NEMP2: variants seen among roughly 807,000 people sequenced by gnomAD.
NEMP2 encodes UPF0571 transmembrane protein.
Under a neutral mutation model 54.2 loss-of-function variants are expected in NEMP2, and 53 were observed. The ratio of observed to expected loss-of-function variants is 0.98; its 90% CI spans 0.78 to 1.23. NEMP2 has a LOEUF of 1.23. Among genes scored for constraint, NEMP2 ranks in the 50% most tolerant of loss-of-function variants. The probability of loss-of-function intolerance (pLI) is 0.00; values close to 1 mark genes in which losing one functional copy is unlikely to be tolerated. For synonymous variants in NEMP2, 197 were observed against 190.3 expected (o/e 1.04, Z -0.29); for missense variants, 455 against 511.3 (o/e 0.89, Z 1.06).
the NEMP2 span, among the ~76,000 whole-genome samples, chr2:190,475,712 T>G: frequency 6.6e-6 from 1 of 152,166 alleles, no homozygotes; most frequent in Non-Finnish European, 1.5e-5. Context: ...AAAAAACTAC[T>G]TTAAAGTTCA....
At chr2:190,504,201 G>C (rs1034931852), downstream of NEMP2, 9 of 152,162 alleles carry the variant, frequency 5.9e-5, no homozygotes, top group African/African-American at 2.2e-4. This position sits in a 1 kb window ranked among gnomAD's most constrained non-coding sequence, Gnocchi z 5.6. Flanking sequence ...AAACGGAAGT[G>C]ATTACAGTAG....
the NEMP2 span, among the ~76,000 whole-genome samples, chr2:190,434,534 C>T: frequency 6.6e-6 from 1 of 152,132 alleles, no homozygotes; most frequent in Non-Finnish European, 1.5e-5. This position sits in a 1 kb window ranked among gnomAD's most constrained non-coding sequence, Gnocchi z 4.3. Flanking sequence ...CTCCTGGGTT[C>T]GAGCAATTTG....
Position 190,514,488 on chromosome 2 carries a change from C to G in NEMP2, c.918G>C (p.Leu306=). ...AACTGCATGCTCTCAGTGGGTAGTG[C>G]AGACTCCAGGAGGACATGAGGAGGA... is the stretch of plus-strand genomic sequence containing the variant. ...AIILLMSSWS[L]HYPLRACSYM... Residue 306 remains leucine, a synonymous_variant, in exon 7 of 9, where the codon CTG becomes CTC. Coordinates refer to ENST00000409150, the MANE Select transcript of NEMP2 (RefSeq NM_001142645.2). The surrounding 1 kb of genome is among the most constrained non-coding windows in gnomAD (Gnocchi z 5.7). The G allele has an allele frequency of 6.4e-7, 1 of 1,551,488 alleles. No individual in the cohort carries two copies. Among genetic ancestry groups the G allele is most frequent in the Non-Finnish European group, 8.7e-7 (1 of 1,146,986 alleles).
Position 190,510,440 on chromosome 2 carries a change from G to A in NEMP2, c.1051C>T (p.Leu351=), listed in dbSNP as rs1690319213. 2.6e-6 allele frequency: 4 copies of A among 1,551,756 alleles called. No homozygotes were observed. The highest frequency in any genetic ancestry group is 1.7e-4 in the Middle Eastern group (1 of 5,992). ...CGGCAGGCCCGGCGTAGCTCCTCCAGAGCACTGTTCGTTTCAGCATCAGCT... is the reference window on the plus strand; with the variant it reads ...CGGCAGGCCCGGCGTAGCTCCTCCAAAGCACTGTTCGTTTCAGCATCAGCT... The part of the protein sequence containing the change: ...EQADAETNSA[L]EELRRACRKP... Residue 351 remains leucine, a synonymous_variant, in exon 8 of 9, where the codon CTG becomes TTG. Transcript: ENST00000409150. This position sits in a 1 kb window ranked among gnomAD's most constrained non-coding sequence, Gnocchi z 5.7.
rs962130279 is a variant in NEMP2, at chr2:190,505,365, G to C, written c.*3824C>G. On this transcript the variant is annotated 3_prime_UTR_variant, in exon 9 of 9. Coordinates refer to ENST00000409150, the MANE Select transcript of NEMP2 (RefSeq NM_001142645.2). This position sits in a 1 kb window ranked among gnomAD's most constrained non-coding sequence, Gnocchi z 5.8. Reference sequence around the variant, plus strand: ...AATGAAAATACCAAAACATATCACAGAGTGGTCATGAGGTGCAAATTAAGA... The same window carrying C: ...AATGAAAATACCAAAACATATCACACAGTGGTCATGAGGTGCAAATTAAGA... 1 of 152,114 alleles carries C rather than the reference G, an allele frequency of 6.6e-6. No homozygotes were observed. 9.4% of individuals were successfully genotyped at this position (152,114 alleles called of 1,614,324 possible).
the NEMP2 span, among the ~76,000 whole-genome samples, chr2:190,431,776 C>T: frequency 6.6e-6 from 1 of 152,142 alleles, no homozygotes; most frequent in African/African-American, 2.4e-5. The surrounding 1 kb of genome is among the most constrained non-coding windows in gnomAD (Gnocchi z 4.4). Flanking sequence ...CTTTATTTTC[C>T]TAAGAAATTG....
the NEMP2 span, among the ~76,000 whole-genome samples, chr2:190,567,681 G>A: frequency 3.9e-5 from 6 of 152,168 alleles, no homozygotes; most frequent in South Asian, 4.1e-4. The surrounding 1 kb of genome is among the most constrained non-coding windows in gnomAD (Gnocchi z 4.0). Context: ...ATGGAGTCTC[G>A]CTCTGTCACC....
chr2:190,499,634 T>C (rs1689918917), downstream of NEMP2, among the ~76,000 whole-genome samples: 1 of 152,384 alleles, frequency 6.6e-6, no homozygotes. This position sits in a 1 kb window ranked among gnomAD's most constrained non-coding sequence, Gnocchi z 6.0. Context: ...TTGGATTCTG[T>C]GGTCTTAGCA....
At chr2:190,489,886 C>A in the NEMP2 span, 2 of 1,604,264 alleles carry the variant, frequency 1.2e-6, no homozygotes, top group East Asian at 2.2e-5. This position sits in a 1 kb window ranked among gnomAD's most constrained non-coding sequence, Gnocchi z 6.6. Flanking sequence ...TCCATTCTTT[C>A]TTAATATTCC....
At chr2:190,617,453 T>A in the NEMP2 span, among the ~76,000 whole-genome samples, 3 of 152,188 alleles carry the variant, frequency 2.0e-5, no homozygotes, top group Non-Finnish European at 4.4e-5. The surrounding 1 kb of genome is among the most constrained non-coding windows in gnomAD (Gnocchi z 5.0). Flanking sequence ...CATTAAAGAA[T>A]ACCAGGATTT....
chr2:190,440,034 T>C, the NEMP2 span, among the ~76,000 whole-genome samples: 35 of 152,324 alleles, frequency 2.3e-4, no homozygotes, highest in East Asian at 6.5e-3. Context: ...CCTTGATGTG[T>C]TGCTTGTAGG....
At chr2:190,600,591 GGTT>G in the NEMP2 span, among the ~76,000 whole-genome samples, 1 of 152,048 alleles carries the variant, frequency 6.6e-6, no homozygotes, top group Non-Finnish European at 1.5e-5. This position sits in a 1 kb window ranked among gnomAD's most constrained non-coding sequence, Gnocchi z 4.9. Context: ...TGAGAGACTG[GGTT>G]GTTAAAGAGA....
chr2:190,551,430 T>C, the NEMP2 span, among the ~76,000 whole-genome samples: 1 of 152,032 alleles, frequency 6.6e-6, no homozygotes, highest in Non-Finnish European at 1.5e-5. Context: ...AAGTTTGTTT[T>C]GTTTTCTTTG....
downstream of NEMP2, chr2:190,500,353 T>C: frequency 1.1e-6 from 1 of 878,964 alleles, no homozygotes. This position sits in a 1 kb window ranked among gnomAD's most constrained non-coding sequence, Gnocchi z 5.3. Context: ...CTAAACTCAT[T>C]AACATGGAAA....
At chr2:190,648,616 T>A in the NEMP2 span, 1 of 148,298 alleles carries the variant, frequency 6.7e-6, no homozygotes, top group South Asian at 2.1e-4. Context: ...CACACATAAT[T>A]TTTTTTTTTT....
chr2:190,602,094 G>A, the NEMP2 span, among the ~76,000 whole-genome samples: 4 of 152,166 alleles, frequency 2.6e-5, no homozygotes, highest in Non-Finnish European at 5.9e-5. Flanking sequence ...GGGTTCTCTG[G>A]AGAAATAGAA....
At chr2:190,546,504 A>G in the NEMP2 span, among the ~76,000 whole-genome samples, 2 of 152,192 alleles carry the variant, frequency 1.3e-5, no homozygotes, top group African/African-American at 2.4e-5. This position sits in a 1 kb window ranked among gnomAD's most constrained non-coding sequence, Gnocchi z 5.1. Context: ...AGGGACGACT[A>G]TACTTCTAAG....
At chr2:190,454,888 G>A in the NEMP2 span, among the ~76,000 whole-genome samples, 2 of 151,642 alleles carry the variant, frequency 1.3e-5, no homozygotes, top group South Asian at 2.1e-4. This position sits in a 1 kb window ranked among gnomAD's most constrained non-coding sequence, Gnocchi z 4.6. Context: ...GTCCGGCAAC[G>A]GCAAACTTGT....
At chr2:190,465,730 C>T in the NEMP2 span, among the ~76,000 whole-genome samples, 7 of 152,154 alleles carry the variant, frequency 4.6e-5, no homozygotes, top group South Asian at 8.3e-4. This position sits in a 1 kb window ranked among gnomAD's most constrained non-coding sequence, Gnocchi z 4.6. Flanking sequence ...TGGTGGCTCA[C>T]GCCTATAATC....
Sources: gnomAD v4.1 joint callset for allele counts (sites outside exome capture counted in the v4.1 genomes callset) on GRCh38, gnomAD v4.1.1 for gene constraint, Gnocchi (gnomAD v3.1) non-coding constraint, MANE v1.5 for transcripts, NCBI Gene and HGNC (gene_info 2026-07-23, HGNC 2026-07-21) for gene names.